MOCS1: variants seen among roughly 807,000 people sequenced by gnomAD.
The protein encoded by MOCS1 is molybdenum cofactor synthesis 1.
In MOCS1, 39 loss-of-function variants were observed where a neutral mutation model predicts 57.6. The ratio of observed to expected loss-of-function variants is 0.68; its 90% CI spans 0.52 to 0.88. The LOEUF is 0.88. Ranked by LOEUF, MOCS1 falls within the 40% of genes least tolerant of loss-of-function variation. The pLI is 0.00. For synonymous variants in MOCS1, 334 were observed against 335.7 expected (o/e 1.00, Z 0.05); for missense variants, 795 against 831.1 (o/e 0.96, Z 0.53).
At chr6:39,925,438 C>G (rs867101092) in intron 3 of MOCS1, among the ~76,000 whole-genome samples, 11 of 152,158 alleles carry the variant, frequency 7.2e-5, no homozygotes, top group African/African-American at 2.4e-4. Context: ...CTCAATGTGA[C>G]AGCAAGCTAC....
At chr6:39,910,761 C>T (rs1767274359) in intron 8 of MOCS1, among the ~76,000 whole-genome samples, 3 of 152,202 alleles carry the variant, frequency 2.0e-5, no homozygotes, top group African/African-American at 7.2e-5. Flanking sequence ...CCCAACCAGC[C>T]TCCAGGTTCC....
intron 7 of MOCS1, among the ~76,000 whole-genome samples, 163 bp from the exon 8 acceptor site, chr6:39,912,537 A>G (rs1767396659): frequency 6.6e-6 from 1 of 152,136 alleles, no homozygotes; most frequent in Admixed American, 6.5e-5. Flanking sequence ...CTCTGGTAGG[A>G]TGGATGACCC....
intron 3 of MOCS1, 40 bp downstream of exon 3, chr6:39,925,638 C>T (rs768015946): frequency 6.8e-6 from 11 of 1,611,488 alleles, no homozygotes; most frequent in Admixed American, 1.7e-5. Flanking sequence ...CCGGATGAGG[C>T]AGCGCTGGGA....
intron 3 of MOCS1, 32 bp from the exon 4 acceptor site, chr6:39,916,264 C>T (rs1767656795): frequency 6.2e-7 from 1 of 1,611,390 alleles, no homozygotes; most frequent in South Asian, 1.1e-5. Flanking sequence ...GGTCAGACTG[C>T]TTGCTTGTTC....
Position 39,913,816 on chromosome 6 carries a change from C to T in MOCS1, c.603G>A (p.Glu201=). Residue 201 remains glutamate, a synonymous_variant, in exon 5 of 11, where the codon GAG becomes GAA. Coordinates refer to ENST00000340692, the MANE Select transcript of MOCS1 (RefSeq NM_001358530.2). ...CCAGCTCGATGGCCTTGTGGATGCCCTCCATGACCTTGTGGAAGCCTGGGA... is the reference window on the plus strand; with the variant it reads ...CCAGCTCGATGGCCTTGTGGATGCCTTCCATGACCTTGTGGAAGCCTGGGA... ...VRRKGFHKVM[E]GIHKAIELGY... is the part of the protein sequence containing the mutation. 2 of 1,614,212 alleles carry T rather than the reference C, an allele frequency of 1.2e-6. No individual in the cohort carries two copies. Among genetic ancestry groups the T allele is most frequent in the Non-Finnish European group, 1.7e-6 (2 of 1,180,030 alleles).
intron 1 of MOCS1, among the ~76,000 whole-genome samples, chr6:39,927,939 C>G (rs1397365925): frequency 6.6e-6 from 1 of 152,082 alleles, no homozygotes; most frequent in Admixed American, 6.6e-5. Flanking sequence ...ATCCGTCTCC[C>G]CCTGACCTAT....
At position 39,905,050 on chromosome 6, in the gene MOCS1, T is replaced by C. The variant is rs1038982726; in HGVS notation, c.*1307A>G. ...AACATGGGAGTATTTATATCACAAATTGTCTTTTCCAGAGAGCTGGTTGTT... is the reference window on the plus strand; with the variant it reads ...AACATGGGAGTATTTATATCACAAACTGTCTTTTCCAGAGAGCTGGTTGTT... On this transcript the variant is annotated 3_prime_UTR_variant, in exon 11 of 11. Transcript: ENST00000340692. 16 of 454,014 alleles carry C rather than the reference T, an allele frequency of 3.5e-5. No homozygotes were observed. The highest frequency in any genetic ancestry group is 8.0e-5 in the African/African-American group (4 of 49,984). The allele number at this position is 454,014 out of a possible 1,614,324, so 28.1% of individuals were successfully genotyped here.
intron 1 of MOCS1, among the ~76,000 whole-genome samples, chr6:39,931,758 C>A (rs1341992582): frequency 2.0e-5 from 3 of 152,108 alleles, no homozygotes; most frequent in Non-Finnish European, 4.4e-5. Flanking sequence ...TTTTTTCTGG[C>A]CCCCTGAACA....
chr6:39,913,357 G>T lies in MOCS1; in HGVS notation c.717C>A (p.Leu239=), dbSNP rs1554189419. ...LLDFAALTEG[L]PLDVRFIEYM... is the part of the protein sequence containing the mutation. ...ACTCTATGAAGCGCACATCCAGGGG[G>T]AGGCCCTCAGTCAAGGCCGCAAAGT... is the stretch of plus-strand genomic sequence containing the variant. Residue 239 remains leucine, a synonymous_variant, in exon 6 of 11, where the codon CTC becomes CTA. Coordinates refer to ENST00000340692, the MANE Select transcript of MOCS1 (RefSeq NM_001358530.2). 1.9e-6 allele frequency: 3 copies of T among 1,614,208 alleles called. No homozygotes were observed.
chr6:39,909,442 G>A (rs1365082281), intron 9 of MOCS1, among the ~76,000 whole-genome samples: 7 of 152,062 alleles, frequency 4.6e-5, no homozygotes, highest in African/African-American at 1.7e-4. Flanking sequence ...ATGACAAAAG[G>A]CCCCCACATG....
rs756641432 is a variant in MOCS1, at chr6:39,906,537, G to C, written c.1731C>G (p.Ile577Met). The stretch of plus-strand genomic sequence containing the variant: ...GGCCCCGAGCCCGGCAAGATGCCTG[G>C]ATCTTCACGGCATGGCGTGTGCTGT... ...ELDSTRHAVK[I>M]QASCRARGPT... The change falls in exon 11 of 11, where the codon ATC becomes ATG. Residue 577 changes from isoleucine (I) to methionine (M), a missense_variant. By Grantham distance (10) the Ile-to-Met change is conservative. Coordinates refer to ENST00000340692, the MANE Select transcript of MOCS1 (RefSeq NM_001358530.2). 6.2e-7 allele frequency: 1 copy of C among 1,613,878 alleles called. No homozygotes were observed. Among genetic ancestry groups the C allele is most frequent in the Non-Finnish European group, 8.5e-7 (1 of 1,180,042 alleles).
Position 39,906,350 on chromosome 6 carries a change from G to A in MOCS1, c.*7C>T, listed in dbSNP as rs761790344. On this transcript the variant is annotated 3_prime_UTR_variant, in exon 11 of 11. Transcript: ENST00000340692. ...CCTGGGTGGGCCATGGGTGAGAAGGGCAGGTGCTAAGCCCGATGGAAGTCC... is the reference window on the plus strand; with the variant it reads ...CCTGGGTGGGCCATGGGTGAGAAGGACAGGTGCTAAGCCCGATGGAAGTCC... 15 of 1,597,034 alleles carry A rather than the reference G, an allele frequency of 9.4e-6. No homozygotes were observed. The South Asian group carries it at 1.4e-4, about 15-fold the overall frequency.
chr6:39,911,590 T>A (rs928000279), intron 8 of MOCS1, among the ~76,000 whole-genome samples: 1 of 152,168 alleles, frequency 6.6e-6, no homozygotes, highest in Non-Finnish European at 1.5e-5. Context: ...CAAAGCCCCC[T>A]ACAATGTAGT....
In MOCS1 at chr6:39,914,221, A is replaced by G. The variant is rs190899979; in HGVS notation, c.584-386T>C. On this transcript the variant is annotated intron_variant, in intron 4 of 10. Coordinates refer to ENST00000340692, the MANE Select transcript of MOCS1 (RefSeq NM_001358530.2). ...AATGCATTCTTGGCTCAAAGGCTACATGAAAACAGGCAGGGGGCTAGATGT... is the reference window on the plus strand; with the variant it reads ...AATGCATTCTTGGCTCAAAGGCTACGTGAAAACAGGCAGGGGGCTAGATGT... 2.0e-5 allele frequency among the ~76,000 whole-genome samples: 3 copies of G among 152,386 alleles called. No individual in the cohort carries two copies. In the East Asian group the frequency reaches 5.8e-4, roughly 29 times the overall value.
rs541488840 is a variant in MOCS1, at chr6:39,905,207, G to C, written c.*1150C>G. ...TGTGTGTTTGGGATGTGAGAACCAGGAGCCTCTAATTAATTGCCCTCTCTG... is the reference window on the plus strand; with the variant it reads ...TGTGTGTTTGGGATGTGAGAACCAGCAGCCTCTAATTAATTGCCCTCTCTG... On this transcript the variant is annotated 3_prime_UTR_variant, in exon 11 of 11. Coordinates refer to ENST00000340692, the MANE Select transcript of MOCS1 (RefSeq NM_001358530.2). The C allele has an allele frequency of 4.4e-6, 2 of 454,150 alleles. No homozygotes were observed. Among genetic ancestry groups the C allele is most frequent in the Non-Finnish European group, 8.8e-6 (2 of 226,938 alleles). The allele number at this position is 454,150 out of a possible 1,614,324, so 28.1% of individuals were successfully genotyped here.
Position 39,906,873 on chromosome 6 carries a change from A to T in MOCS1, c.1395T>A (p.Gly465=). ...SDANSKCLSP[G]SWASAAPSGP... is the part of the protein sequence containing the mutation. ...CTGAGGGGGCAGCAGAAGCCCAGGA[A>T]CCTGGGCTAAGGCACTTTGAGTTGG... The change falls in exon 11 of 11, where the codon GGT becomes GGA. Residue 465 remains glycine (G), a synonymous_variant. Coordinates refer to ENST00000340692, the MANE Select transcript of MOCS1 (RefSeq NM_001358530.2). 1 of 1,614,134 alleles carries T rather than the reference A, an allele frequency of 6.2e-7. No homozygotes were observed. The highest frequency in any genetic ancestry group is 8.5e-7 in the Non-Finnish European group (1 of 1,180,016).
chr6:39,906,844 G>A lies in MOCS1; in HGVS notation c.1424C>T (p.Pro475Leu). The change falls in exon 11 of 11, where the codon CCC (proline) becomes CTC (leucine). Residue 475 changes from proline to leucine, a missense_variant. Around this residue, in one of 3 missense-constraint regions of MOCS1, gnomAD observed 374 missense variants for 422.6 expected, o/e 0.89. Coordinates refer to ENST00000340692, the MANE Select transcript of MOCS1 (RefSeq NM_001358530.2). ...AGTTAGTTGTTCTGAGGTTAGCTGG[G>A]GTCCTGAGGGGGCAGCAGAAGCCCA... ...GSWASAAPSG[P>L]QLTSEQLTHV... 7 of 1,614,172 alleles carry A rather than the reference G, an allele frequency of 4.3e-6. No individual in the cohort carries two copies. The highest frequency in any genetic ancestry group is 5.1e-6 in the Non-Finnish European group (6 of 1,180,040).
At position 39,907,237 on chromosome 6, in the gene MOCS1, G is replaced by A. The variant is rs961056561; in HGVS notation, c.1151-120C>T. ...AGTTCTCTTTCATACCGGGGAAAGA[G>A]GAATGAAGAACAAAAAGCATAGTGG... On this transcript the variant is annotated intron_variant, in intron 10 of 10. Transcript: ENST00000340692. 5 of 1,111,882 alleles carry A rather than the reference G, an allele frequency of 4.5e-6. No homozygotes were observed. The African/African-American group carries it at 4.7e-5, about 11-fold the overall frequency. 68.9% of individuals were successfully genotyped at this position (1,111,882 alleles called of 1,614,324 possible). A position where few individuals can be genotyped will look rare whatever the true frequency, so the allele number is the denominator to read the frequency against.
At position 39,925,775 on chromosome 6, in the gene MOCS1, G is replaced by C. The variant is rs148758749; in HGVS notation, c.321C>G (p.Ile107Met). 2 of 1,612,848 alleles carry C rather than the reference G, an allele frequency of 1.2e-6. No individual in the cohort carries two copies. The highest frequency in any genetic ancestry group is 1.7e-6 in the Non-Finnish European group (2 of 1,179,992). The change falls in exon 3 of 11, where the codon ATC becomes ATG. Residue 107 changes from isoleucine to methionine, a missense_variant. This residue lies in a region of MOCS1 where 416 missense variants were observed against 392.4 expected (regional missense o/e 1.06). Coordinates refer to ENST00000340692, the MANE Select transcript of MOCS1 (RefSeq NM_001358530.2). ...TCACAAAGAGCCGGGCGAGGGTCAG[G>C]ATCTCCTCTGTGGTCAGCAGGTTGG... Reference protein sequence around the residue: ...PKANLLTTEEILTLARLFVKE... With the variant: ...PKANLLTTEEMLTLARLFVKE...
Sources: gnomAD v4.1 joint callset for allele counts (sites outside exome capture counted in the v4.1 genomes callset) on GRCh38, gnomAD v4.1.1 for gene constraint, gnomAD v4.1.1 regional missense constraint, MANE v1.5 for transcripts, NCBI Gene and HGNC (gene_info 2026-07-23, HGNC 2026-07-21) for gene names.